The following PCDHGB1 variants were observed in gnomAD, a reference collection of about 807,000 sequenced individuals.
The protein encoded by PCDHGB1 is protocadherin gamma-B1.
Under a neutral mutation model 56.6 loss-of-function variants are expected in PCDHGB1, and 34 were observed. That is an observed-to-expected ratio of 0.60 (90% confidence interval 0.46 to 0.80). PCDHGB1 has a LOEUF of 0.80. Among genes scored for constraint, PCDHGB1 ranks in the 30% least tolerant of loss-of-function variants. PCDHGB1 has a pLI of 0.00. For missense variants in PCDHGB1, 1,278 were observed against 1,204.6 expected (o/e 1.06, Z -0.90); for synonymous variants, 561 against 505.9 (o/e 1.11, Z -1.46).
chr5:141,421,125 C>G, intron 1 of PCDHGB1: 1 of 804,210 alleles, frequency 1.2e-6, no homozygotes, highest in Admixed American at 3.0e-5. Flanking sequence ...CCTTCGCTTT[C>G]TGATATATTT....
intron 1 of PCDHGB1, chr5:141,389,520 C>T: frequency 6.2e-7 from 1 of 1,613,184 alleles, no homozygotes; most frequent in Non-Finnish European, 8.5e-7. Flanking sequence ...GAACGTGAGC[C>T]TGCGCGTGTT....
At chr5:141,415,909 C>A in intron 1 of PCDHGB1, 1 of 761,030 alleles carries the variant, frequency 1.3e-6, no homozygotes, top group Non-Finnish European at 1.8e-6. Flanking sequence ...GACTTCCATA[C>A]AGAAGTGCCT....
intron 1 of PCDHGB1, chr5:141,422,519 C>T (rs1297821851): frequency 6.2e-7 from 1 of 1,613,968 alleles, no homozygotes; most frequent in African/African-American, 1.3e-5. Context: ...CAGGGAAGCC[C>T]GCCTTTGTCT....
At chr5:141,383,425 C>T in intron 1 of PCDHGB1, 1 of 1,613,980 alleles carries the variant, frequency 6.2e-7, no homozygotes, top group Non-Finnish European at 8.5e-7. Context: ...CAGCCCCAAT[C>T]GCCACTTCTC....
At chr5:141,385,552 T>C in intron 1 of PCDHGB1, 2 of 1,315,868 alleles carry the variant, frequency 1.5e-6, no homozygotes, top group Non-Finnish European at 9.7e-7. Flanking sequence ...ACTATCACAT[T>C]TTATAATTTC....
intron 1 of PCDHGB1, chr5:141,389,474 G>A (rs1476860129): frequency 1.2e-6 from 2 of 1,613,168 alleles, no homozygotes; most frequent in East Asian, 2.2e-5. Flanking sequence ...AACTCACACT[G>A]CAGGCCCGCG....
At chr5:141,495,379 C>T (rs989240656) in intron 2 of PCDHGB1, among the ~76,000 whole-genome samples, 3 of 152,208 alleles carry the variant, frequency 2.0e-5, no homozygotes, top group Non-Finnish European at 4.4e-5. Context: ...TGAGGAAGGA[C>T]TGGGCGGGGC....
rs780328813 is a variant in PCDHGB1 at position 141,361,800 on chromosome 5, C to T, written c.2409+9131C>T. The T allele has an allele frequency of 5.6e-6, 9 of 1,613,078 alleles. No homozygotes were observed. The East Asian group carries it at 2.0e-4, about 36-fold the overall frequency. On this transcript the variant is annotated intron_variant, in intron 1 of 3. Coordinates refer to ENST00000523390, the MANE Select transcript of PCDHGB1 (RefSeq NM_018922.3). The stretch of plus-strand genomic sequence containing the variant: ...GCCTGCGCGTGTTAGTGGGCGACCT[C>T]AATGACAATGCGCCACGGGTGCTGT...
chr5:141,476,055 GT>G lies in PCDHGB1; in HGVS notation c.2410-18749del. 6.7e-7 allele frequency: 1 copy of G among 1,503,516 alleles called. No homozygotes were observed. Among genetic ancestry groups the G allele is most frequent in the South Asian group, 1.3e-5 (1 of 75,386 alleles). The allele number at this position is 1,503,516 out of a possible 1,614,324, so 93.1% of individuals were successfully genotyped here. ...GCGCCCAAGCGCTAACCCGCTGAAA[GT>G]TTCTCAGCGAAATCTCAGGGACGAT... On this transcript the variant is annotated intron_variant, in intron 1 of 3. Transcript: ENST00000523390. The surrounding 1 kb of genome is among the most constrained non-coding windows in gnomAD (Gnocchi z 7.6).
In PCDHGB1 at chr5:141,365,348, G is replaced by A. The variant is rs770428432; in HGVS notation, c.2409+12679G>A. ...TAAGGTGGTGGTCACAGTACAGGAC[G>A]TGAATGACAATGCCCCCGAAGTGAT... On this transcript the variant is annotated intron_variant, in intron 1 of 3. Transcript: ENST00000523390. 4 of 1,613,954 alleles carry A rather than the reference G, an allele frequency of 2.5e-6. No homozygotes were observed. Among genetic ancestry groups the A allele is most frequent in the African/African-American group, 1.3e-5 (1 of 75,034 alleles).
intron 2 of PCDHGB1, among the ~76,000 whole-genome samples, chr5:141,498,604 C>G (rs1445417630): frequency 6.6e-6 from 1 of 152,122 alleles, no homozygotes; most frequent in East Asian, 1.9e-4. Flanking sequence ...GGTTCAAGTT[C>G]AAGTCAGCAC....
At chr5:141,447,861 G>A (rs2098553733) in intron 1 of PCDHGB1, among the ~76,000 whole-genome samples, 1 of 152,120 alleles carries the variant, frequency 6.6e-6, no homozygotes, top group Non-Finnish European at 1.5e-5. Flanking sequence ...CGAGGTGGGT[G>A]AATCATCTGA....
chr5:141,387,732 C>T (rs940812767), intron 1 of PCDHGB1: 5 of 1,279,332 alleles, frequency 3.9e-6, no homozygotes, highest in Non-Finnish European at 5.3e-6. Context: ...CAGCGCCAGC[C>T]TTTACACCGC....
chr5:141,374,352 T>C lies in PCDHGB1; in HGVS notation c.2409+21683T>C, dbSNP rs1288920388. The C allele has an allele frequency of 4.3e-6, 7 of 1,614,010 alleles. No homozygotes were observed. The Admixed American group carries it at 5.0e-5, about 12-fold the overall frequency. On this transcript the variant is annotated intron_variant, in intron 1 of 3. Transcript: ENST00000523390. ...GGCAGCTTGGTCACCGCGGGTAGGA[T>C]AGACCGCGAGGAGCTCTGTGCTCAG...
intron 1 of PCDHGB1, chr5:141,415,696 G>A (rs867312295): frequency 2.9e-6 from 4 of 1,397,470 alleles, no homozygotes; most frequent in Non-Finnish European, 3.8e-6. Flanking sequence ...GGTGGAAAGT[G>A]TAAATGCTAA....
chr5:141,474,772 G>A (rs1053853138), intron 1 of PCDHGB1, among the ~76,000 whole-genome samples: 2 of 152,182 alleles, frequency 1.3e-5, no homozygotes, highest in Non-Finnish European at 2.9e-5. Flanking sequence ...AATAGTATGA[G>A]GCTCTAACAC....
intron 1 of PCDHGB1, chr5:141,413,659 A>G (rs2095663872): frequency 1.2e-6 from 2 of 1,613,830 alleles, no homozygotes; most frequent in African/African-American, 1.3e-5. Flanking sequence ...CCCGGAAGCT[A>G]TTGATCCGGA....
chr5:141,361,612 G>T (rs1485952478), intron 1 of PCDHGB1: 6 of 1,613,866 alleles, frequency 3.7e-6, no homozygotes, highest in Non-Finnish European at 5.1e-6. Context: ...CTCCATCGTA[G>T]CGAGCGACCT....
intron 3 of PCDHGB1, among the ~76,000 whole-genome samples, chr5:141,509,398 G>A (rs1218925417): frequency 6.6e-6 from 1 of 152,106 alleles, no homozygotes; most frequent in Admixed American, 6.5e-5. Context: ...GGATCTCAGG[G>A]CCTCCAGCAG....
Sources: allele counts gnomAD v4.1 joint callset (sites outside exome capture counted in the v4.1 genomes callset), GRCh38; gene constraint gnomAD v4.1.1; non-coding constraint Gnocchi (gnomAD v3.1); transcripts MANE v1.5; gene names NCBI Gene and HGNC (gene_info 2026-07-23, HGNC 2026-07-21).